The following MEF2C variants were observed in gnomAD, a reference collection of about 807,000 sequenced individuals.
MEF2C encodes myocyte-specific enhancer factor 2C.
MEF2C carries 6 observed loss-of-function variants against 50.5 expected under a neutral mutation model. The observed-to-expected ratio is 0.12, with a 90% CI of 0.07 to 0.23. The LOEUF (loss-of-function observed/expected upper bound fraction) is 0.23. Ranked by LOEUF, MEF2C falls within the 10% of genes least tolerant of loss-of-function variation. The pLI is 1.00. For missense variants in MEF2C, 276 were observed against 605.0 expected (o/e 0.46, Z 5.70); for synonymous variants, 183 against 228.0 (o/e 0.80, Z 1.78).
In MEF2C at chr5:88,823,665, T is replaced by C. The variant is rs1272895482; in HGVS notation, c.54+70A>G. On this transcript the variant is annotated intron_variant, in intron 2 of 10. Transcript: ENST00000504921. ...ATATTTACAGATTCAAGATATTTTC[T>C]GTACCCTTAACATATGTGGAGAAAA... The C allele has an allele frequency of 2.9e-6, 4 of 1,386,278 alleles. No homozygotes were observed. The African/African-American group carries it at 5.8e-5, about 20-fold the overall frequency. 85.9% of individuals were successfully genotyped at this position (1,386,278 alleles called of 1,614,324 possible). A position where few individuals can be genotyped will look rare whatever the true frequency, so the allele number is the denominator to read the frequency against.
chr5:88,891,527 C>T (rs1472770567), intron 1 of MEF2C, among the ~76,000 whole-genome samples: 4 of 151,654 alleles, frequency 2.6e-5, no homozygotes, highest in African/African-American at 4.9e-5. Context: ...CTCAGCCTCC[C>T]GAGTAGCTGG....
At chr5:88,748,258 ATTTTT>A (rs772316979) in intron 6 of MEF2C, 1 of 916,432 alleles carries the variant, frequency 1.1e-6, no homozygotes, top group Non-Finnish European at 1.3e-6. Flanking sequence ...AATAAACTTG[ATTTTT>A]TTTGACATTT....
chr5:88,806,121 A>T (rs1369150724), intron 2 of MEF2C, among the ~76,000 whole-genome samples: 1 of 152,018 alleles, frequency 6.6e-6, no homozygotes, highest in Non-Finnish European at 1.5e-5. Flanking sequence ...TTTGAGGAGC[A>T]CTTACTATCA....
At chr5:88,865,380 A>G (rs1359643947) in intron 1 of MEF2C, among the ~76,000 whole-genome samples, 1 of 152,134 alleles carries the variant, frequency 6.6e-6, no homozygotes, top group African/African-American at 2.4e-5. Context: ...AGTTGATTTT[A>G]GTCTTTGGAT....
chr5:88,865,519 CAGTCTT>C (rs1202462649), intron 1 of MEF2C, among the ~76,000 whole-genome samples: 1 of 152,188 alleles, frequency 6.6e-6, no homozygotes, highest in Non-Finnish European at 1.5e-5. Context: ...ACTTCCTCCT[CAGTCTT>C]AGGGTAATCC....
intron 1 of MEF2C, among the ~76,000 whole-genome samples, chr5:88,893,923 G>C (rs891493451): frequency 6.6e-6 from 1 of 151,974 alleles, no homozygotes; most frequent in Non-Finnish European, 1.5e-5. Flanking sequence ...GATTTCCTAC[G>C]GACTATTACT....
At chr5:88,870,762 A>G (rs573138473) in intron 1 of MEF2C, among the ~76,000 whole-genome samples, 16 of 152,216 alleles carry the variant, frequency 1.1e-4, no homozygotes, top group African/African-American at 3.9e-4. Flanking sequence ...TGTAATAAGC[A>G]TTAGGGTAGA....
intron 1 of MEF2C, chr5:88,889,176 C>A (rs1194752559): frequency 1.3e-5 from 2 of 152,174 alleles, no homozygotes; most frequent in Non-Finnish European, 2.9e-5. Flanking sequence ...CGAGGGACGC[C>A]TCTAGTTTGA....
At chr5:88,782,728 A>C (rs1048381355) in intron 3 of MEF2C, among the ~76,000 whole-genome samples, 1 of 152,162 alleles carries the variant, frequency 6.6e-6, no homozygotes, top group African/African-American at 2.4e-5. Flanking sequence ...AAAACGTAAA[A>C]TATTTTGGCA....
chr5:88,794,903 G>A lies in MEF2C; in HGVS notation c.258+9695C>T, dbSNP rs545782863. Among the ~76,000 whole-genome samples, 6 of 152,056 alleles carry A rather than the reference G, an allele frequency of 3.9e-5. No homozygotes were observed. In the South Asian group the frequency reaches 8.3e-4, roughly 21 times the overall value. Reference sequence around the variant, plus strand: ...AACACCATTTATTAAATAGAGAATCGTTTCTCCATTACTTGTTTTTGTCAG... The same window carrying A: ...AACACCATTTATTAAATAGAGAATCATTTCTCCATTACTTGTTTTTGTCAG... On this transcript the variant is annotated intron_variant, in intron 3 of 10. Coordinates refer to ENST00000504921, the MANE Select transcript of MEF2C (RefSeq NM_002397.5).
intron 3 of MEF2C, among the ~76,000 whole-genome samples, chr5:88,794,301 C>T (rs1795085191): frequency 6.6e-6 from 1 of 152,194 alleles, no homozygotes; most frequent in Non-Finnish European, 1.5e-5. Flanking sequence ...CCCTTTCCAG[C>T]ATCTGTTGTT....
intron 6 of MEF2C, chr5:88,733,810 C>T (rs412458): frequency 0.77 from 758,957 of 984,976 alleles, 293,991 homozygotes; most frequent in East Asian, 0.92. Context: ...AAACTGGACA[C>T]CCCCAAAACG....
chr5:88,860,902 T>C (rs1333882762), intron 1 of MEF2C, among the ~76,000 whole-genome samples: 2 of 152,208 alleles, frequency 1.3e-5, no homozygotes, highest in Non-Finnish European at 2.9e-5. Flanking sequence ...CAAACTAAAG[T>C]CTTTTTCCAG....
Position 88,879,659 on chromosome 5 carries a change from T to G in MEF2C, c.-143+3296A>C, listed in dbSNP as rs562493344. ...TACCTGCTTCATGTAAGCAGACAAT[T>G]TAATGTTTGTTCATAAAGAAATGAT... On this transcript the variant is annotated intron_variant, in intron 1 of 10. Coordinates refer to ENST00000504921, the MANE Select transcript of MEF2C (RefSeq NM_002397.5). 2.0e-5 allele frequency among the ~76,000 whole-genome samples: 3 copies of G among 152,208 alleles called. No individual in the cohort carries two copies. The East Asian group carries it at 5.8e-4, about 29-fold the overall frequency.
intron 10 of MEF2C, among the ~76,000 whole-genome samples, chr5:88,723,626 T>C (rs1757265854): frequency 6.6e-6 from 1 of 152,242 alleles, no homozygotes; most frequent in Admixed American, 6.5e-5. Context: ...ACTGATAATT[T>C]GACTTTCTTC....
rs1265156125 is a variant in MEF2C at position 88,717,997 on chromosome 5, C to A, written c.*4607G>T. On this transcript the variant is annotated 3_prime_UTR_variant, in exon 11 of 11. Transcript: ENST00000504921. ...AACTTCTTTGATAAAGAAGTTGAAC[C>A]ATTCAATAAGAACCTTAGACTTCCA... 1 of 152,030 alleles carries A rather than the reference C, an allele frequency of 6.6e-6. No individual in the cohort carries two copies. The highest frequency in any genetic ancestry group is 1.5e-5 in the Non-Finnish European group (1 of 67,984). The allele number at this position is 152,030 out of a possible 1,614,324, so 9.4% of individuals were successfully genotyped here. A position where few individuals can be genotyped will look rare whatever the true frequency, so the allele number is the denominator to read the frequency against.
rs1581482434 is a variant in MEF2C, at chr5:88,736,218, G to T, written c.638-4317C>A. Reference sequence around the variant, plus strand: ...AATAAATATTTCAGCAACTCGGCCGGGCGCGGTGGCTCACGCCTGTAATCC... The same window carrying T: ...AATAAATATTTCAGCAACTCGGCCGTGCGCGGTGGCTCACGCCTGTAATCC... On this transcript the variant is annotated intron_variant, in intron 6 of 10. Transcript: ENST00000504921. 2 of 55,922 alleles carry T rather than the reference G, an allele frequency of 3.6e-5. 1 individual carries two copies. The highest frequency in any genetic ancestry group is 1.1e-3 in the South Asian group (2 of 1,826). The allele number at this position is 55,922 out of a possible 1,614,324, so 3.5% of individuals were successfully genotyped here. A position where few individuals can be genotyped will look rare whatever the true frequency, so the allele number is the denominator to read the frequency against.
intron 3 of MEF2C, chr5:88,780,907 G>A (rs1337583746): frequency 3.0e-6 from 3 of 984,900 alleles, no homozygotes; most frequent in African/African-American, 1.8e-5. Flanking sequence ...CCTCTTCTTG[G>A]ATACAAAGTA....
chr5:88,842,551 AAG>A (rs1817766646), intron 1 of MEF2C, among the ~76,000 whole-genome samples: 1 of 151,364 alleles, frequency 6.6e-6, no homozygotes, highest in African/African-American at 2.4e-5. Flanking sequence ...GAAAAAAAAA[AAG>A]AGAAATTATA....
Sources: allele counts gnomAD v4.1 joint callset (sites outside exome capture counted in the v4.1 genomes callset), GRCh38; gene constraint gnomAD v4.1.1; transcripts MANE v1.5; gene names NCBI Gene and HGNC (gene_info 2026-07-23, HGNC 2026-07-21).